NDST3: variants seen among roughly 807,000 people sequenced by gnomAD.
The protein encoded by NDST3 is bifunctional heparan sulfate N-deacetylase/N-sulfotransferase 3.
NDST3 carries 58 observed loss-of-function variants against 96.1 expected under a neutral mutation model. That is an observed-to-expected ratio of 0.60 (90% CI 0.49 to 0.75). The LOEUF (loss-of-function observed/expected upper bound fraction) is 0.75, where lower values mean the gene tolerates loss of function less well. NDST3 is among the 30% of genes least tolerant of loss of function. NDST3 has a pLI of 0.00. For missense variants in NDST3, 788 were observed against 1,034.2 expected (o/e 0.76, Z 3.27); for synonymous variants, 333 against 359.7 (o/e 0.93, Z 0.84).
rs75729284 is a variant in NDST3 at position 118,191,723 on chromosome 4, C to T, written c.1540-32768C>T. 5.0e-4 allele frequency among the ~76,000 whole-genome samples: 76 copies of T among 152,226 alleles called. No homozygotes were observed. In the East Asian group the frequency reaches 0.014, roughly 28 times the overall value. On this transcript the variant is annotated intron_variant, in intron 6 of 13. Transcript: ENST00000296499. ...TTGTGTAAAAAACAATTCAATTATG[C>T]TCTTTTAGTAATTTAAAAACATACA...
In NDST3 at chr4:118,233,026, T is replaced by C; in HGVS notation, c.1834T>C (p.Tyr612His). Residue 612 changes from tyrosine to histidine, a missense_variant, in exon 9 of 14, where the codon TAT (tyrosine) becomes CAT (histidine). Physicochemically the swap from Tyr to His is moderately conservative, Grantham distance 83. Transcript: ENST00000296499. ...GPQKTGTTAL[Y>H]LFLVMHPSIL... is the part of the protein sequence containing the mutation. ...TGTCTTTCTAGGTACCACTGCTTTG[T>C]ATTTGTTCCTGGTTATGCATCCTTC... 1.2e-6 allele frequency: 2 copies of C among 1,613,356 alleles called. No homozygotes were observed. The highest frequency in any genetic ancestry group is 2.2e-5 in the East Asian group (1 of 44,822).
At chr4:118,106,906 C>G (rs1250662580) in intron 3 of NDST3, among the ~76,000 whole-genome samples, 1 of 152,040 alleles carries the variant, frequency 6.6e-6, no homozygotes, top group African/African-American at 2.4e-5. Context: ...CTGGCTAACA[C>G]AGTGAAAACC....
intron 4 of NDST3, among the ~76,000 whole-genome samples, chr4:118,135,418 T>C (rs1732994626): frequency 1.3e-5 from 2 of 152,132 alleles, no homozygotes; most frequent in African/African-American, 2.4e-5. Flanking sequence ...ACTTGAGTGG[T>C]AGGATCATAG....
rs538603032 is a variant in NDST3, at chr4:118,138,640, T to C, written c.1410+401T>C. On this transcript the variant is annotated intron_variant, in intron 5 of 13. Coordinates refer to ENST00000296499, the MANE Select transcript of NDST3 (RefSeq NM_004784.3). Reference sequence around the variant, plus strand: ...TCAAACTGTGTTCTTCTATTTACCATGCCAGGCTAAAAAAGAACTCAACCA... The same window carrying C: ...TCAAACTGTGTTCTTCTATTTACCACGCCAGGCTAAAAAAGAACTCAACCA... 3.3e-5 allele frequency among the ~76,000 whole-genome samples: 5 copies of C among 152,274 alleles called. No individual in the cohort carries two copies. The South Asian group carries it at 6.2e-4, about 19-fold the overall frequency.
Position 118,160,379 on chromosome 4 carries a change from G to T in NDST3, c.1539+16695G>T, listed in dbSNP as rs146484977. Among the ~76,000 whole-genome samples the T allele has an allele frequency of 6.7e-3, 1,011 of 151,842 alleles. 8 individuals are homozygous for T. Among genetic ancestry groups the T allele is most frequent in the African/African-American group, 0.023 (969 of 41,388 alleles). ...AAACTGTCAACAGAGTAAATAGACAGCCTACAAAATGGGAGAAAATATTTG... is the reference window on the plus strand; with the variant it reads ...AAACTGTCAACAGAGTAAATAGACATCCTACAAAATGGGAGAAAATATTTG... On this transcript the variant is annotated intron_variant, in intron 6 of 13. Coordinates refer to ENST00000296499, the MANE Select transcript of NDST3 (RefSeq NM_004784.3).
rs11448394 is a variant in NDST3 at position 118,095,553 on chromosome 4, G to GTTTTT, written c.982-9458_982-9454dup. Among the ~76,000 whole-genome samples the GTTTTT allele has an allele frequency of 4.0e-3, 585 of 145,064 alleles. 7 individuals are homozygous for GTTTTT. Among genetic ancestry groups the GTTTTT allele is most frequent in the Non-Finnish European group, 2.1e-3 (138 of 65,740 alleles). On this transcript the variant is annotated intron_variant, in intron 2 of 13. Transcript: ENST00000296499. ...AACAGTACTCACAGTTGTACATTCT[G>GTTTTT]TTTTTTTTTTTGTGGTTGTTGATGC...
intron 4 of NDST3, among the ~76,000 whole-genome samples, chr4:118,129,971 T>C (rs954604117): frequency 1.3e-5 from 2 of 152,142 alleles, no homozygotes; most frequent in Admixed American, 6.5e-5. Context: ...GTGTTTGTTT[T>C]CAAATCTATT....
intron 6 of NDST3, among the ~76,000 whole-genome samples, chr4:118,188,894 G>A (rs1737132681): frequency 6.6e-6 from 1 of 151,974 alleles, no homozygotes; most frequent in Non-Finnish European, 1.5e-5. Flanking sequence ...ACTTTAAATG[G>A]TCATAGTTAA....
At chr4:118,238,215 G>GAA (rs1560738902) in intron 10 of NDST3, among the ~76,000 whole-genome samples, 1 of 120,174 alleles carries the variant, frequency 8.3e-6, no homozygotes, top group Non-Finnish European at 1.7e-5. Flanking sequence ...AAGAAAGAAA[G>GAA]AAAGAAAGAA....
chr4:118,054,606 A>C lies in NDST3; in HGVS notation c.696A>C (p.Pro232=). 6.2e-7 allele frequency: 1 copy of C among 1,613,312 alleles called. No individual in the cohort carries two copies. The highest frequency in any genetic ancestry group is 8.5e-7 in the Non-Finnish European group (1 of 1,179,482). Residue 232 remains proline, a synonymous_variant, in exon 2 of 14, where the codon CCA becomes CCC. Coordinates refer to ENST00000296499, the MANE Select transcript of NDST3 (RefSeq NM_004784.3). The stretch of plus-strand genomic sequence containing the variant: ...AGATTAATCATTCAGCCTATCAACC[A>C]GTAATATTTGCCAAAGTAAAGACCC... ...VFQINHSAYQ[P]VIFAKVKTPE...
intron 6 of NDST3, among the ~76,000 whole-genome samples, chr4:118,222,387 A>G (rs1739606843): frequency 2.0e-5 from 3 of 151,908 alleles, no homozygotes; most frequent in Non-Finnish European, 4.4e-5. Context: ...TATAGAAAAT[A>G]TTGTGATTCA....
chr4:118,160,673 GC>G (rs200660961), intron 6 of NDST3, among the ~76,000 whole-genome samples: 2,877 of 152,246 alleles, frequency 0.019, 36 homozygotes, highest in Non-Finnish European at 0.03. Flanking sequence ...GGCTCCTGAG[GC>G]TTCTGCATTC....
chr4:118,183,864 T>C (rs1379271227), intron 6 of NDST3, among the ~76,000 whole-genome samples: 5 of 152,238 alleles, frequency 3.3e-5, no homozygotes, highest in Non-Finnish European at 1.5e-5. Flanking sequence ...GTGGCTTCTA[T>C]GTGCGTCAGG....
intron 6 of NDST3, among the ~76,000 whole-genome samples, chr4:118,165,149 C>T (rs1449735976): frequency 6.6e-6 from 1 of 151,922 alleles, no homozygotes; most frequent in Admixed American, 6.6e-5. Context: ...GAATGGATAA[C>T]AAAAACAAGA....
chr4:118,091,020 C>T (rs1280095252), intron 2 of NDST3, among the ~76,000 whole-genome samples: 1 of 151,496 alleles, frequency 6.6e-6, no homozygotes, highest in Non-Finnish European at 1.5e-5. Context: ...TGAGATCGTG[C>T]CACTGCCCTC....
intron 12 of NDST3, among the ~76,000 whole-genome samples, chr4:118,248,944 C>T (rs1048299699): frequency 2.6e-5 from 4 of 152,082 alleles, no homozygotes; most frequent in African/African-American, 9.7e-5. Context: ...ACATGCTTTC[C>T]CTTCTAGCTT....
At chr4:118,193,672 TTCAAAG>T in intron 6 of NDST3, 2 of 1,317,004 alleles carry the variant, frequency 1.5e-6, no homozygotes, top group South Asian at 2.4e-5. Flanking sequence ...CCTGTGCCAG[TTCAAAG>T]TCATTCACAG....
chr4:118,037,459 G>A (rs1223030272), intron 1 of NDST3, among the ~76,000 whole-genome samples: 1 of 152,186 alleles, frequency 6.6e-6, no homozygotes, highest in Admixed American at 6.5e-5. Flanking sequence ...TCCCTGGCAA[G>A]TGCTGAAGCT....
At chr4:118,155,621 G>A (rs561334354) in intron 6 of NDST3, among the ~76,000 whole-genome samples, 12 of 152,182 alleles carry the variant, frequency 7.9e-5, no homozygotes, top group African/African-American at 2.6e-4. Flanking sequence ...TTAGAAGCTG[G>A]GTGATGTTTT....
Sources: gnomAD v4.1 joint callset for allele counts (sites outside exome capture counted in the v4.1 genomes callset) on GRCh38, gnomAD v4.1.1 for gene constraint, MANE v1.5 for transcripts, NCBI Gene and HGNC (gene_info 2026-07-23, HGNC 2026-07-21) for gene names.